RIMBP2: variants seen among roughly 807,000 people sequenced by gnomAD.
The protein encoded by RIMBP2 is RIMS-binding protein 2.
In RIMBP2, 48 loss-of-function variants were observed where a neutral mutation model predicts 118.6. The ratio of observed to expected loss-of-function variants is 0.40; its 90% CI spans 0.32 to 0.51. RIMBP2 has a LOEUF of 0.51. Ranked by LOEUF, RIMBP2 falls within the 20% of genes least tolerant of loss-of-function variation. RIMBP2 has a pLI of 0.41. For missense variants in RIMBP2, 1,551 were observed against 1,768.3 expected (o/e 0.88, Z 2.20); for synonymous variants, 762 against 742.9 (o/e 1.03, Z -0.42).
At chr12:130,560,126 C>T (rs940473211) in intron 2 of RIMBP2, among the ~76,000 whole-genome samples, 15 of 152,128 alleles carry the variant, frequency 9.9e-5, no homozygotes, top group African/African-American at 3.4e-4. Flanking sequence ...GACAACTCTC[C>T]CAGACGGAGG....
rs570898123 is a variant in RIMBP2 at position 130,581,590 on chromosome 12, G to A, written c.-217+46732C>T. The stretch of plus-strand genomic sequence containing the variant: ...CAGTAGGTGGCAATTCCAGGCTCTC[G>A]CGGCTCAGGCCTCAGACCTGTCGCC... On this transcript the variant is annotated intron_variant, in intron 2 of 22. Coordinates refer to ENST00000690449, the MANE Select transcript of RIMBP2 (RefSeq NM_001393629.1). The surrounding 1 kb of genome is among the most constrained non-coding windows in gnomAD (Gnocchi z 4.4). Among the ~76,000 whole-genome samples, 4 of 152,270 alleles carry A rather than the reference G, an allele frequency of 2.6e-5. No homozygotes were observed. The highest frequency in any genetic ancestry group is 1.3e-4 in the Admixed American group (2 of 15,290).
chr12:130,461,318 A>C (rs1352386922), intron 6 of RIMBP2, among the ~76,000 whole-genome samples: 1 of 152,196 alleles, frequency 6.6e-6, no homozygotes, highest in Non-Finnish European at 1.5e-5. Context: ...ACAGTCCTGC[A>C]CGCAGACTGG....
At chr12:130,675,298 T>A (rs558444568) in intron 1 of RIMBP2, among the ~76,000 whole-genome samples, 1 of 152,220 alleles carries the variant, frequency 6.6e-6, no homozygotes, top group African/African-American at 2.4e-5. Context: ...CAGTCCTCCC[T>A]CTCTCCTCGT....
chr12:130,592,676 C>A (rs1239520780), intron 2 of RIMBP2, among the ~76,000 whole-genome samples: 47 of 83,038 alleles, frequency 5.7e-4, no homozygotes, highest in African/African-American at 2.6e-4. Flanking sequence ...GCAATAGAGA[C>A]TCTGTCAAAA....
At chr12:130,417,262 G>A (rs988751044) in intron 17 of RIMBP2, among the ~76,000 whole-genome samples, 4 of 152,136 alleles carry the variant, frequency 2.6e-5, no homozygotes, top group South Asian at 2.1e-4. Context: ...AAAAGAAGTC[G>A]TTTCACCAAA....
chr12:130,626,897 T>C (rs1345132721), intron 2 of RIMBP2, among the ~76,000 whole-genome samples: 1 of 149,708 alleles, frequency 6.7e-6, no homozygotes, highest in African/African-American at 2.5e-5. Context: ...ACTGCCGGCA[T>C]CACCACCATC....
rs2078867820 is a variant in RIMBP2 at position 130,450,084 on chromosome 12, C to A, written c.581+116G>T. 4.3e-6 allele frequency: 3 copies of A among 696,274 alleles called. No homozygotes were observed. Among genetic ancestry groups the A allele is most frequent in the Non-Finnish European group, 2.5e-6 (1 of 400,700 alleles). The allele number at this position is 696,274 out of a possible 1,614,324, so 43.1% of individuals were successfully genotyped here. ...GCCTCCAGGCCAGGCTGAAATCCCA[C>A]CTTCTCCTCGTGCCCTGGGAGAAGG... On this transcript the variant is annotated intron_variant, in intron 9 of 22. Transcript: ENST00000690449. The surrounding 1 kb of genome is among the most constrained non-coding windows in gnomAD (Gnocchi z 4.8).
At chr12:130,667,328 C>T (rs1312208657) in intron 1 of RIMBP2, 1 of 152,136 alleles carries the variant, frequency 6.6e-6, no homozygotes, top group Non-Finnish European at 1.5e-5. Context: ...CCTGCCCCAG[C>T]TGGAAACAGA....
At chr12:130,534,393 C>T (rs1407569213) in intron 2 of RIMBP2, among the ~76,000 whole-genome samples, 1 of 151,856 alleles carries the variant, frequency 6.6e-6, no homozygotes, top group Admixed American at 6.6e-5. Flanking sequence ...GTGGGAGGAC[C>T]ACGAGGTCAG....
At chr12:130,587,551 T>C (rs1170309458) in intron 2 of RIMBP2, among the ~76,000 whole-genome samples, 4 of 85,220 alleles carry the variant, frequency 4.7e-5, no homozygotes, top group Non-Finnish European at 9.0e-5. Context: ...AAATTGGAAA[T>C]CATCATTCTC....
chr12:130,680,547 A>G (rs1014051372), intron 1 of RIMBP2, among the ~76,000 whole-genome samples: 5 of 152,224 alleles, frequency 3.3e-5, no homozygotes, highest in African/African-American at 1.2e-4. Context: ...TCTCGCTCAA[A>G]TAACACAAGA....
rs2064881532 is a variant in RIMBP2 at position 130,683,232 on chromosome 12, G to A, written c.-352+32990C>T. 6.6e-6 allele frequency among the ~76,000 whole-genome samples: 1 copy of A among 152,204 alleles called. No individual in the cohort carries two copies. The highest frequency in any genetic ancestry group is 1.9e-4 in the East Asian group (1 of 5,184). ...CAGACACGGGAAAGCTCACACGGATGGCAGTGGAACCAGAGGTCGGAGTGA... is the reference window on the plus strand; with the variant it reads ...CAGACACGGGAAAGCTCACACGGATAGCAGTGGAACCAGAGGTCGGAGTGA... On this transcript the variant is annotated intron_variant, in intron 1 of 22. Transcript: ENST00000690449. The surrounding 1 kb of genome is among the most constrained non-coding windows in gnomAD (Gnocchi z 4.4).
At chr12:130,640,071 C>T (rs2062547600) in intron 1 of RIMBP2, among the ~76,000 whole-genome samples, 1 of 152,134 alleles carries the variant, frequency 6.6e-6, no homozygotes, top group African/African-American at 2.4e-5. Context: ...ACAGGTCATG[C>T]CTGTACACTC....
intron 2 of RIMBP2, among the ~76,000 whole-genome samples, chr12:130,615,293 A>ATATATATATATATATATATC (rs2060854304): frequency 7.7e-6 from 1 of 129,542 alleles, no homozygotes; most frequent in Non-Finnish European, 1.7e-5. Flanking sequence ...ATATATATAT[A>ATATATATATATATATATATC]TATGTGTACA....
rs1328067956 is a variant in RIMBP2, at chr12:130,436,836, C to T, written c.2106+6G>A. ...GGAGCCACCGAGGCGGGAGCCCCAG[C>T]CTTACCCTGCTGCTCTCGGCCACCC... On this transcript the variant is annotated splice_donor_region_variant and intron_variant, in intron 13 of 22. Transcript: ENST00000690449. The T allele has an allele frequency of 7.0e-7, 1 of 1,419,600 alleles. No individual in the cohort carries two copies. The highest frequency in any genetic ancestry group is 9.2e-7 in the Non-Finnish European group (1 of 1,086,816). 87.9% of individuals were successfully genotyped at this position (1,419,600 alleles called of 1,614,324 possible).
At chr12:130,595,963 CTT>C (rs1566332183) in intron 2 of RIMBP2, among the ~76,000 whole-genome samples, 1 of 152,222 alleles carries the variant, frequency 6.6e-6, no homozygotes, top group Admixed American at 6.5e-5. Flanking sequence ...GATACCTCCT[CTT>C]TTTGAAAATC....
chr12:130,589,490 T>C (rs187866705), intron 2 of RIMBP2, among the ~76,000 whole-genome samples: 2 of 152,334 alleles, frequency 1.3e-5, no homozygotes, highest in East Asian at 3.9e-4. Flanking sequence ...TGCTGGAGGA[T>C]AGGGTCAGCC....
chr12:130,587,663 ACT>A (rs1264859740), intron 2 of RIMBP2, among the ~76,000 whole-genome samples: 1 of 83,394 alleles, frequency 1.2e-5, no homozygotes, highest in Non-Finnish European at 2.2e-5. Flanking sequence ...GGAATATCAC[ACT>A]CTGGGGACTG....
intron 6 of RIMBP2, among the ~76,000 whole-genome samples, chr12:130,467,722 T>A (rs2137797696): frequency 6.6e-6 from 1 of 152,340 alleles, no homozygotes; most frequent in South Asian, 2.1e-4. Context: ...CGCTTCAAGT[T>A]GTCTCACCTT....
Sources: allele counts gnomAD v4.1 joint callset (sites outside exome capture counted in the v4.1 genomes callset), GRCh38; gene constraint gnomAD v4.1.1; non-coding constraint Gnocchi (gnomAD v3.1); transcripts MANE v1.5; gene names NCBI Gene and HGNC (gene_info 2026-07-23, HGNC 2026-07-21).